The following CDC25C variants were observed in gnomAD, a reference collection of about 807,000 sequenced individuals.
CDC25C encodes cell division cycle 25C.
In CDC25C, 48 loss-of-function variants were observed where a neutral mutation model predicts 52.5. That is an observed-to-expected ratio of 0.91 (90% CI 0.72 to 1.16). The LOEUF is 1.16. CDC25C is among the 50% of genes most tolerant of loss of function. The pLI, the probability that CDC25C is intolerant of heterozygous loss-of-function variation, is 0.00. For synonymous variants in CDC25C, 187 were observed against 206.5 expected, an observed-to-expected ratio of 0.91 and a Z score of 0.81; for missense variants, 510 against 566.1, an observed-to-expected ratio of 0.90 and a Z score of 1.01.
chr5:138,294,788 G>T (rs1757047030), intron 7 of CDC25C, among the ~76,000 whole-genome samples: 1 of 152,048 alleles, frequency 6.6e-6, no homozygotes, highest in Admixed American at 6.5e-5. Flanking sequence ...ACAGGCATGA[G>T]CCACCGCGCC....
At chr5:138,322,466 ATTTTTTTTTT>A (rs71585117) in intron 6 of CDC25C, among the ~76,000 whole-genome samples, 8 of 67,942 alleles carry the variant, frequency 1.2e-4, no homozygotes, top group South Asian at 1.9e-3. Flanking sequence ...CGCCCGGCTA[ATTTTTTTTTT>A]TTTTTTTTTT....
upstream of CDC25C, among the ~76,000 whole-genome samples, chr5:138,336,512 C>T (rs1418779150): frequency 6.6e-6 from 1 of 152,100 alleles, no homozygotes; most frequent in East Asian, 1.9e-4. Context: ...AGCAAGACGC[C>T]TCTCTCTACA....
chr5:138,326,994 C>T (rs146753436), intron 4 of CDC25C, among the ~76,000 whole-genome samples: 3,977 of 148,698 alleles, frequency 0.027, 76 homozygotes, highest in Middle Eastern at 0.036. Flanking sequence ...CGGGGGCTCA[C>T]GCTTGTAATT....
intron 7 of CDC25C, among the ~76,000 whole-genome samples, chr5:138,314,336 C>T (rs1758702456): frequency 6.6e-6 from 1 of 150,408 alleles, no homozygotes; most frequent in Admixed American, 6.7e-5. Context: ...CATTCTGTTG[C>T]CCAGGCTAGA....
intron 7 of CDC25C, among the ~76,000 whole-genome samples, chr5:138,314,189 G>C (rs1333643055): frequency 1.3e-5 from 2 of 151,504 alleles, no homozygotes; most frequent in Admixed American, 6.6e-5. Flanking sequence ...TAGAGACGAG[G>C]CTTCAACATG....
chr5:138,338,101 A>T, exon 1 of CDC25C: 1 of 1,289,824 alleles, frequency 7.8e-7, no homozygotes, highest in Non-Finnish European at 1.0e-6. Flanking sequence ...CGTTCCCAAC[A>T]GCGCTGTCCG....
intron 6 of CDC25C, among the ~76,000 whole-genome samples, chr5:138,324,834 C>T (rs550960762): frequency 1.3e-5 from 2 of 151,900 alleles, no homozygotes; most frequent in African/African-American, 2.4e-5. Context: ...TTTGAGAGGC[C>T]GAGGCAGGTG....
At chr5:138,286,433 T>C in intron 12 of CDC25C, 64 bp downstream of exon 12, 1 of 1,501,012 alleles carries the variant, frequency 6.7e-7, no homozygotes, top group Non-Finnish European at 9.1e-7. Flanking sequence ...CTGTCTGAAC[T>C]GGTGTGGGAA....
chr5:138,335,235 T>G (rs2126867299), upstream of CDC25C: 1 of 152,442 alleles, frequency 6.6e-6, no homozygotes, highest in East Asian at 1.9e-4. Flanking sequence ...GCAGAGGGGC[T>G]GAGGGGTGTG....
rs754668483 is a variant in CDC25C, at chr5:138,328,543, TAAAGAATCAGTA to T, written c.290-26_290-15del. The stretch of plus-strand genomic sequence containing the variant: ...AATCCAGGTGACCTGCAATCAAATA[TAAAGAATCAGTA>T]AAAGGAGTTATTCTTGTCCATGCAT... On this transcript the variant is annotated splice_polypyrimidine_tract_variant and intron_variant, in intron 3 of 13. Transcript: ENST00000323760. 3.7e-6 allele frequency: 6 copies of T among 1,609,770 alleles called. No homozygotes were observed. The highest frequency in any genetic ancestry group is 5.1e-6 in the Non-Finnish European group (6 of 1,176,112).
Position 138,290,692 on chromosome 5 carries a change from G to A in CDC25C, c.811C>T (p.Gln271Ter). The A allele has an allele frequency of 1.2e-6, 2 of 1,612,750 alleles. No individual in the cohort carries two copies. The highest frequency in any genetic ancestry group is 1.3e-5 in the African/African-American group (1 of 75,016). Residue 271 changes from glutamine (Q) to a stop codon, truncating the protein, a stop_gained, in exon 9 of 14, where the codon CAG (glutamine) becomes TAG (stop). Coordinates refer to ENST00000323760, the MANE Select transcript of CDC25C (RefSeq NM_001790.5). LOFTEE classifies it high-confidence loss of function. The stretch of plus-strand genomic sequence containing the variant: ...TGGTTAGAATCTTCCTCCAGCATCT[G>A]AGTGATAGTAATGTCACACAGAGAG... Reference protein sequence around the residue: ...TVSLCDITITQMLEEDSNQGH... With the variant: ...TVSLCDITIT
At chr5:138,305,734 C>G (rs1026434886) in intron 7 of CDC25C, among the ~76,000 whole-genome samples, 1 of 152,186 alleles carries the variant, frequency 6.6e-6, no homozygotes, top group African/African-American at 2.4e-5. Flanking sequence ...TTATGGCAGA[C>G]ATTTACAATT....
chr5:138,332,503 C>T (rs767558723), upstream of CDC25C, among the ~76,000 whole-genome samples: 2 of 152,128 alleles, frequency 1.3e-5, no homozygotes, highest in Admixed American at 6.5e-5. Flanking sequence ...TTGGTATAAT[C>T]CTTATCGCAA....
chr5:138,315,218 C>A (rs1758788484), intron 7 of CDC25C, among the ~76,000 whole-genome samples: 1 of 152,162 alleles, frequency 6.6e-6, no homozygotes, highest in South Asian at 2.1e-4. Context: ...CCACCACGCC[C>A]AGCCTCCTAT....
intron 6 of CDC25C, 63 bp from the exon 7 acceptor site, chr5:138,319,437 G>T: frequency 8.0e-7 from 1 of 1,256,218 alleles, no homozygotes; most frequent in Non-Finnish European, 1.1e-6. Flanking sequence ...AAATGTAAGA[G>T]CTAAAACTAT....
chr5:138,287,966 G>C (rs1189568646), intron 10 of CDC25C, among the ~76,000 whole-genome samples: 4 of 152,164 alleles, frequency 2.6e-5, no homozygotes, highest in Non-Finnish European at 2.9e-5. Context: ...CAGTAGAATA[G>C]AGCGGCATTA....
In CDC25C at chr5:138,289,540, TG is replaced by T; in HGVS notation, c.887del (p.Ser296Ter). 1.2e-6 allele frequency: 2 copies of T among 1,613,850 alleles called. No homozygotes were observed. Among genetic ancestry groups the T allele is most frequent in the Non-Finnish European group, 1.7e-6 (2 of 1,179,746 alleles). ...FSKVCALPTV[S>X]GKHQDLKYVN... ...CATACTTCAGATCTTGGTGTTTCCCTGACACGGTTGGCAGCGCACATACCTA... is the reference window on the plus strand; with the variant it reads ...CATACTTCAGATCTTGGTGTTTCCCTACACGGTTGGCAGCGCACATACCTA... On this transcript the variant is annotated frameshift_variant, in exon 10 of 14. Coordinates refer to ENST00000323760, the MANE Select transcript of CDC25C (RefSeq NM_001790.5). LOFTEE classifies it high-confidence loss of function.
exon 1 of CDC25C, chr5:138,338,075 A>T: frequency 7.8e-7 from 1 of 1,289,706 alleles, no homozygotes; most frequent in Non-Finnish European, 1.0e-6. Context: ...CCATCCCTAA[A>T]TCAAAGCGCC....
At chr5:138,309,553 G>A (rs114555103) in intron 7 of CDC25C, among the ~76,000 whole-genome samples, 20,954 of 151,510 alleles carry the variant, frequency 0.14, 1,735 homozygotes, top group South Asian at 0.23. Context: ...GCAAAACTCC[G>A]TCTCAAAATA....
Sources: allele counts gnomAD v4.1 joint callset (sites outside exome capture counted in the v4.1 genomes callset), GRCh38; gene constraint gnomAD v4.1.1; transcripts MANE v1.5; gene names NCBI Gene and HGNC (gene_info 2026-07-23, HGNC 2026-07-21).